The following CCDC171 variants were observed in gnomAD, a reference collection of about 807,000 sequenced individuals.
The protein encoded by CCDC171 is coiled-coil domain containing 171.
A neutral mutation model predicts 168.2 loss-of-function variants in CCDC171; 177 were observed. That is an observed-to-expected ratio of 1.05 (90% CI 0.93 to 1.19). CCDC171 has a LOEUF of 1.19. Among genes scored for constraint, CCDC171 ranks in the 50% most tolerant of loss-of-function variants. The pLI, the probability that CCDC171 is intolerant of heterozygous loss-of-function variation, is 0.00. For missense variants in CCDC171, 1,991 were observed against 1,539.0 expected (o/e 1.29, Z -4.91); for synonymous variants, 687 against 540.8 (o/e 1.27, Z -3.75).
At chr9:15,803,409 T>A (rs556943492) in intron 21 of CCDC171, among the ~76,000 whole-genome samples, 9 of 152,186 alleles carry the variant, frequency 5.9e-5, no homozygotes, top group South Asian at 2.1e-4. Context: ...TATATTGAAG[T>A]CTTTAATCCA....
At chr9:16,078,794 G>C in the CCDC171 span, among the ~76,000 whole-genome samples, 1 of 152,158 alleles carries the variant, frequency 6.6e-6, no homozygotes, top group Non-Finnish European at 1.5e-5. Context: ...ACTGTTCAAA[G>C]GGTAAGATGA....
chr9:15,876,377 C>G (rs140305516), intron 24 of CCDC171, among the ~76,000 whole-genome samples: 2 of 152,178 alleles, frequency 1.3e-5, no homozygotes, highest in African/African-American at 4.8e-5. Context: ...ATGCTTAGCT[C>G]TTTGAATATA....
rs549410649 is a variant in CCDC171 at position 15,682,044 on chromosome 9, G to T, written c.1215+3148G>T. Among the ~76,000 whole-genome samples the T allele has an allele frequency of 1.1e-3, 162 of 151,898 alleles. 1 individual carries two copies. The highest frequency in any genetic ancestry group is 3.8e-3 in the African/African-American group (159 of 41,470). ...AGGTACCAGATTGTTTTCTAGTTTA[G>T]GTCATGTTCATGGTCATTATTTAAA... On this transcript the variant is annotated intron_variant, in intron 10 of 25. Coordinates refer to ENST00000380701, the MANE Select transcript of CCDC171 (RefSeq NM_173550.4).
chr9:15,587,898 A>G (rs960643659), intron 4 of CCDC171, among the ~76,000 whole-genome samples: 2 of 152,222 alleles, frequency 1.3e-5, no homozygotes, highest in African/African-American at 4.8e-5. Context: ...TATTTCATCT[A>G]TGAAGTAAGA....
intron 21 of CCDC171, among the ~76,000 whole-genome samples, chr9:15,805,854 T>A (rs2059047852): frequency 6.6e-6 from 1 of 152,062 alleles, no homozygotes; most frequent in East Asian, 1.9e-4. Flanking sequence ...GGTATTAAAG[T>A]CTCCCAGTAT....
At chr9:15,753,065 T>C (rs1349036820) in intron 18 of CCDC171, among the ~76,000 whole-genome samples, 1 of 152,120 alleles carries the variant, frequency 6.6e-6, no homozygotes, top group Non-Finnish European at 1.5e-5. Flanking sequence ...ATGTGTGAAT[T>C]GGTCTGACGC....
intron 21 of CCDC171, among the ~76,000 whole-genome samples, chr9:15,845,194 T>C (rs988083098): frequency 6.6e-6 from 1 of 152,112 alleles, no homozygotes; most frequent in African/African-American, 2.4e-5. Context: ...TATCTTAGCA[T>C]TGGCACAAAA....
At chr9:15,963,202 G>C (rs1184534633) in intron 25 of CCDC171, among the ~76,000 whole-genome samples, 1 of 152,006 alleles carries the variant, frequency 6.6e-6, no homozygotes, top group Non-Finnish European at 1.5e-5. Context: ...GAGCAGGGAG[G>C]GATAGCATTA....
intron 21 of CCDC171, among the ~76,000 whole-genome samples, chr9:15,785,829 C>CT (rs1454901167): frequency 2.0e-5 from 3 of 151,976 alleles, no homozygotes; most frequent in Non-Finnish European, 4.4e-5. Flanking sequence ...GTTACTGTCT[C>CT]TACATGAATT....
intron 25 of CCDC171, among the ~76,000 whole-genome samples, chr9:15,947,463 C>T (rs933074812): frequency 1.3e-4 from 19 of 151,880 alleles, no homozygotes; most frequent in Admixed American, 5.9e-4. Flanking sequence ...TTTGTCTTTT[C>T]GTGCATGGCC....
chr9:16,060,486 A>C (rs1833917456), intron 1 of CCDC171, among the ~76,000 whole-genome samples: 1 of 152,232 alleles, frequency 6.6e-6, no homozygotes, highest in East Asian at 1.9e-4. Flanking sequence ...GCTTGCTGCC[A>C]AGCAGGGGTG....
intron 1 of CCDC171, among the ~76,000 whole-genome samples, chr9:16,052,000 C>G (rs943590919): frequency 5.9e-5 from 9 of 152,152 alleles, no homozygotes; most frequent in Non-Finnish European, 8.8e-5. Flanking sequence ...TGTTCACTAT[C>G]GTGAGAACAG....
chr9:15,810,239 C>G (rs2135942866), intron 21 of CCDC171, among the ~76,000 whole-genome samples: 1 of 152,322 alleles, frequency 6.6e-6, no homozygotes, highest in South Asian at 2.1e-4. Flanking sequence ...CAACCCTGAG[C>G]TAGACACAGA....
chr9:16,035,675 T>G (rs929121208), intron 7 of CCDC171: 1 of 152,270 alleles, frequency 6.6e-6, no homozygotes, highest in African/African-American at 2.4e-5. Context: ...GAGCATGGCT[T>G]TATAGCTTTC....
chr9:16,003,085 G>C (rs1012930419), intron 3 of CCDC171, among the ~76,000 whole-genome samples: 1 of 152,148 alleles, frequency 6.6e-6, no homozygotes, highest in Non-Finnish European at 1.5e-5. Flanking sequence ...TCACCATGTT[G>C]ATAACCCCTT....
At chr9:15,935,306 A>G (rs1453018692) in intron 25 of CCDC171, among the ~76,000 whole-genome samples, 1 of 152,014 alleles carries the variant, frequency 6.6e-6, no homozygotes, top group African/African-American at 2.4e-5. Context: ...TGAGTTCTAG[A>G]GCAAACTTTA....
chr9:15,708,918 A>C (rs2052446958), intron 11 of CCDC171, among the ~76,000 whole-genome samples: 1 of 152,208 alleles, frequency 6.6e-6, no homozygotes, highest in African/African-American at 2.4e-5. Context: ...ATTTATACAT[A>C]CAGTCTTTTT....
At chr9:15,698,520 CAAAAAAAA>C (rs35301658) in intron 11 of CCDC171, among the ~76,000 whole-genome samples, 58 of 106,968 alleles carry the variant, frequency 5.4e-4, no homozygotes, top group Admixed American at 1.3e-3. Context: ...GACCCCGTCT[CAAAAAAAA>C]AAAAAAAAAA....
intron 4 of CCDC171, among the ~76,000 whole-genome samples, chr9:15,582,186 A>T (rs1364855808): frequency 6.6e-6 from 1 of 152,278 alleles, no homozygotes; most frequent in African/African-American, 2.4e-5. Flanking sequence ...AATGGTCATC[A>T]TCACTGGTCA....
Sources: allele counts gnomAD v4.1 joint callset (sites outside exome capture counted in the v4.1 genomes callset), GRCh38; gene constraint gnomAD v4.1.1; transcripts MANE v1.5; gene names NCBI Gene and HGNC (gene_info 2026-07-23, HGNC 2026-07-21).